Variants in GPC5 observed in about 807,000 individuals in gnomAD.
GPC5 encodes glypican-5.
GPC5 carries 47 observed loss-of-function variants against 53.9 expected under a neutral mutation model. That is an observed-to-expected ratio of 0.87 (90% CI 0.69 to 1.11). The LOEUF (loss-of-function observed/expected upper bound fraction) is 1.11. Among genes scored for constraint, GPC5 ranks in the 50% most tolerant of loss-of-function variants. The pLI, the probability that GPC5 is intolerant of heterozygous loss-of-function variation, is 0.00. For missense variants in GPC5, 748 were observed against 713.1 expected, an observed-to-expected ratio of 1.05 and a Z score of -0.56; for synonymous variants, 286 against 263.3, an observed-to-expected ratio of 1.09 and a Z score of -0.84.
At chr13:92,831,136 A>T (rs1302368193) in intron 7 of GPC5, among the ~76,000 whole-genome samples, 1 of 152,134 alleles carries the variant, frequency 6.6e-6, no homozygotes, top group Non-Finnish European at 1.5e-5. Flanking sequence ...TGAGAAAATT[A>T]TACAAAGTCG....
intron 2 of GPC5, among the ~76,000 whole-genome samples, chr13:91,516,620 G>A (rs1378896645): frequency 6.6e-6 from 1 of 152,142 alleles, no homozygotes; most frequent in Non-Finnish European, 1.5e-5. Context: ...ACCATTCTGG[G>A]GTCTGGAAGA....
chr13:92,624,699 CA>C (rs1178581297), intron 7 of GPC5, among the ~76,000 whole-genome samples: 2 of 152,124 alleles, frequency 1.3e-5, no homozygotes. Flanking sequence ...AGTTTGATTA[CA>C]GGAAAGAAAC....
intron 2 of GPC5, among the ~76,000 whole-genome samples, chr13:91,519,547 T>C (rs1347021245): frequency 6.6e-6 from 1 of 152,224 alleles, no homozygotes; most frequent in African/African-American, 2.4e-5. Flanking sequence ...TCTTCGGCCA[T>C]GTGAAGATGT....
chr13:92,174,222 TAGAA>T (rs949616412), intron 7 of GPC5, among the ~76,000 whole-genome samples: 9 of 151,732 alleles, frequency 5.9e-5, no homozygotes, highest in African/African-American at 9.7e-5. Context: ...ATATATTAAA[TAGAA>T]AGGCCAAAAT....
At chr13:92,386,037 T>G (rs1256328895) in intron 7 of GPC5, among the ~76,000 whole-genome samples, 2 of 151,892 alleles carry the variant, frequency 1.3e-5, no homozygotes, top group South Asian at 2.1e-4. Context: ...CTTTGCCTAC[T>G]TCATCAAATT....
At chr13:92,521,960 G>A (rs1178709272) in intron 7 of GPC5, among the ~76,000 whole-genome samples, 1 of 152,126 alleles carries the variant, frequency 6.6e-6, no homozygotes, top group Non-Finnish European at 1.5e-5. Flanking sequence ...ATCAACAAGT[G>A]GGTGAAGGAT....
intron 7 of GPC5, among the ~76,000 whole-genome samples, chr13:92,505,951 G>A (rs1466643072): frequency 1.3e-5 from 2 of 152,134 alleles, no homozygotes; most frequent in African/African-American, 2.4e-5. Flanking sequence ...TTGACAGGAT[G>A]TAGGAGTGAG....
chr13:91,533,177 A>G (rs1439015546), intron 2 of GPC5, among the ~76,000 whole-genome samples: 1 of 152,154 alleles, frequency 6.6e-6, no homozygotes, highest in Non-Finnish European at 1.5e-5. Context: ...GGAGGAATGG[A>G]TGTGGTGACT....
intron 6 of GPC5, among the ~76,000 whole-genome samples, chr13:92,045,874 T>A (rs1483793488): frequency 6.6e-6 from 1 of 152,150 alleles, no homozygotes; most frequent in East Asian, 1.9e-4. Context: ...AGAAAAATTA[T>A]AATTTGCCTC....
chr13:91,944,216 C>T (rs2039954588), intron 6 of GPC5, among the ~76,000 whole-genome samples: 1 of 152,058 alleles, frequency 6.6e-6, no homozygotes, highest in African/African-American at 2.4e-5. Flanking sequence ...CCGCCTCAGC[C>T]TCCTGAGTAG....
chr13:92,456,618 C>T (rs1206361460), intron 7 of GPC5, among the ~76,000 whole-genome samples: 2 of 152,086 alleles, frequency 1.3e-5, no homozygotes, highest in African/African-American at 4.8e-5. Flanking sequence ...AAATGTGGAC[C>T]CTTGTGAGCG....
At chr13:91,568,838 C>T (rs527369294) in intron 2 of GPC5, among the ~76,000 whole-genome samples, 6 of 151,624 alleles carry the variant, frequency 4.0e-5, no homozygotes, top group South Asian at 2.1e-4. Context: ...AACCTCCACC[C>T]CCAGGGTTGT....
chr13:91,489,802 G>T (rs1416371556), intron 2 of GPC5, among the ~76,000 whole-genome samples: 1 of 152,136 alleles, frequency 6.6e-6, no homozygotes, highest in Non-Finnish European at 1.5e-5. Context: ...TGTAGTTACA[G>T]ATACAAAAAT....
At chr13:92,196,504 C>T (rs965739947) in intron 7 of GPC5, among the ~76,000 whole-genome samples, 17 of 152,154 alleles carry the variant, frequency 1.1e-4, no homozygotes, top group African/African-American at 4.1e-4. Flanking sequence ...AATATAATTA[C>T]AGCCCTAGAA....
chr13:91,726,867 T>A (rs1479654104), intron 3 of GPC5, among the ~76,000 whole-genome samples: 3 of 152,220 alleles, frequency 2.0e-5, no homozygotes, highest in Admixed American at 2.0e-4. Context: ...AGCAGCGCTT[T>A]CCCTGCTTGG....
chr13:92,199,465 A>G (rs1249575145), intron 7 of GPC5, among the ~76,000 whole-genome samples: 1 of 152,150 alleles, frequency 6.6e-6, no homozygotes, highest in Non-Finnish European at 1.5e-5. Context: ...AATATTTGAG[A>G]TAAAATTGAA....
chr13:91,576,402 T>A (rs1369351482), intron 2 of GPC5, among the ~76,000 whole-genome samples: 2 of 151,752 alleles, frequency 1.3e-5, no homozygotes, highest in Non-Finnish European at 1.5e-5. Flanking sequence ...AAATAAAAAA[T>A]TATGTAGGCA....
At chr13:91,914,867 G>C (rs915571664) in intron 6 of GPC5, among the ~76,000 whole-genome samples, 12 of 151,938 alleles carry the variant, frequency 7.9e-5, no homozygotes, top group Non-Finnish European at 1.6e-4. Context: ...TAAATCACTT[G>C]CTATAAAACA....
chr13:92,759,537 T>C, intron 7 of GPC5, among the ~76,000 whole-genome samples: 1 of 152,098 alleles, frequency 6.6e-6, no homozygotes, highest in East Asian at 1.9e-4. Flanking sequence ...TCTATACAAA[T>C]GCCATAGATT....
Sources: gnomAD v4.1 joint callset for allele counts (sites outside exome capture counted in the v4.1 genomes callset) on GRCh38, gnomAD v4.1.1 for gene constraint, MANE v1.5 for transcripts, NCBI Gene and HGNC (gene_info 2026-07-23, HGNC 2026-07-21) for gene names.